DRC11: variants seen among roughly 807,000 people sequenced by gnomAD.
The protein encoded by DRC11 is IQ and AAA domain-containing protein 1.
chr2:236,491,180 T>C, the DRC11 span, among the ~76,000 whole-genome samples: 1,058 of 43,538 alleles, frequency 0.024, 33 homozygotes, highest in Non-Finnish European at 0.035. Flanking sequence ...TATATATATA[T>C]ACACACAGTA....
chr2:236,406,060 G>T, the DRC11 span, among the ~76,000 whole-genome samples: 1 of 152,292 alleles, frequency 6.6e-6, no homozygotes, highest in East Asian at 1.9e-4. This position sits in a 1 kb window ranked among gnomAD's most constrained non-coding sequence, Gnocchi z 4.7. Context: ...TAAGTTTCCG[G>T]CTACTGTGTG....
the DRC11 span, among the ~76,000 whole-genome samples, chr2:236,491,592 A>C: frequency 6.6e-6 from 1 of 152,152 alleles, no homozygotes; most frequent in South Asian, 2.1e-4. Flanking sequence ...TCCAACACAA[A>C]ATCTTTAGTA....
At chr2:236,405,783 T>C in the DRC11 span, among the ~76,000 whole-genome samples, 1 of 152,200 alleles carries the variant, frequency 6.6e-6, no homozygotes, top group Non-Finnish European at 1.5e-5. The surrounding 1 kb of genome is among the most constrained non-coding windows in gnomAD (Gnocchi z 4.6). Context: ...TACTTTTTCC[T>C]ATACAGAAAC....
chr2:236,347,508 C>CTCTCTATATATATATATATATATATA, the DRC11 span, among the ~76,000 whole-genome samples: 1 of 107,494 alleles, frequency 9.3e-6, no homozygotes, highest in Non-Finnish European at 2.2e-5. Context: ...AAAAACTGTG[C>CTCTCTATATATATATATATATATATA]TATATATATA....
At chr2:236,494,916 G>T in the DRC11 span, among the ~76,000 whole-genome samples, 1 of 152,172 alleles carries the variant, frequency 6.6e-6, no homozygotes, top group South Asian at 2.1e-4. The surrounding 1 kb of genome is among the most constrained non-coding windows in gnomAD (Gnocchi z 4.2). Flanking sequence ...AGGGCAGTAG[G>T]AGAAGAATGA....
At chr2:236,389,348 C>T in the DRC11 span, among the ~76,000 whole-genome samples, 1 of 152,118 alleles carries the variant, frequency 6.6e-6, no homozygotes, top group African/African-American at 2.4e-5. Flanking sequence ...AGCCAGGTGC[C>T]GGATATAATC....
At chr2:236,394,359 G>A in the DRC11 span, among the ~76,000 whole-genome samples, 281 of 152,252 alleles carry the variant, frequency 1.8e-3, 5 homozygotes, top group Non-Finnish European at 2.3e-3. This position sits in a 1 kb window ranked among gnomAD's most constrained non-coding sequence, Gnocchi z 7.0. Flanking sequence ...TGGGCCAGGC[G>A]CAGTGGCTCA....
At chr2:236,373,930 T>G in the DRC11 span, among the ~76,000 whole-genome samples, 48 of 152,330 alleles carry the variant, frequency 3.2e-4, no homozygotes, top group African/African-American at 1.1e-3. Context: ...CCCAAGAGTT[T>G]CTTTGTAGTA....
chr2:236,311,788 C>T, the DRC11 span, among the ~76,000 whole-genome samples: 12,932 of 151,494 alleles, frequency 0.085, 1,283 homozygotes, highest in East Asian at 0.24. The surrounding 1 kb of genome is among the most constrained non-coding windows in gnomAD (Gnocchi z 6.9). Context: ...AAGCTCATGC[C>T]TGGACATGCA....
the DRC11 span, chr2:236,488,279 C>G: frequency 9.0e-6 from 9 of 997,256 alleles, 1 homozygote; most frequent in Admixed American, 1.9e-4. Context: ...ACTTCAAACA[C>G]AATCCTGCTA....
the DRC11 span, among the ~76,000 whole-genome samples, chr2:236,330,178 C>T: frequency 6.6e-6 from 1 of 152,204 alleles, no homozygotes; most frequent in Non-Finnish European, 1.5e-5. This position sits in a 1 kb window ranked among gnomAD's most constrained non-coding sequence, Gnocchi z 5.5. Flanking sequence ...GGTAAACACT[C>T]AGCTAGAGTT....
At chr2:236,368,213 C>T in the DRC11 span, 14 of 1,608,796 alleles carry the variant, frequency 8.7e-6, no homozygotes, top group Admixed American at 3.4e-5. Context: ...AGATTCCGTA[C>T]AATGTGATGA....
chr2:236,448,569 C>T, the DRC11 span, among the ~76,000 whole-genome samples: 1 of 151,842 alleles, frequency 6.6e-6, no homozygotes, highest in Non-Finnish European at 1.5e-5. The surrounding 1 kb of genome is among the most constrained non-coding windows in gnomAD (Gnocchi z 5.3). Flanking sequence ...CTCCTGAGCT[C>T]AAGTGATCTG....
chr2:236,358,395 TATCATATATAAATATATATG>T, the DRC11 span, among the ~76,000 whole-genome samples: 7 of 140,920 alleles, frequency 5.0e-5, no homozygotes, highest in Non-Finnish European at 9.1e-5. Context: ...GATATATGAA[TATCATATATAAATATATATG>T]ATATATGAAT....
At chr2:236,453,971 C>A in the DRC11 span, among the ~76,000 whole-genome samples, 105 of 152,196 alleles carry the variant, frequency 6.9e-4, no homozygotes, top group African/African-American at 2.5e-3. This position sits in a 1 kb window ranked among gnomAD's most constrained non-coding sequence, Gnocchi z 4.9. Context: ...GGTGTCCTTC[C>A]CCTCTTTAGA....
chr2:236,361,302 A>G, the DRC11 span, among the ~76,000 whole-genome samples: 1 of 152,220 alleles, frequency 6.6e-6, no homozygotes, highest in Non-Finnish European at 1.5e-5. The surrounding 1 kb of genome is among the most constrained non-coding windows in gnomAD (Gnocchi z 5.7). Flanking sequence ...CTTCACTAAA[A>G]TAAATGCTAA....
the DRC11 span, chr2:236,343,837 A>C: frequency 9.5e-6 from 9 of 944,962 alleles, no homozygotes; most frequent in South Asian, 1.4e-5. The surrounding 1 kb of genome is among the most constrained non-coding windows in gnomAD (Gnocchi z 6.6). Context: ...ATCAAGGCTC[A>C]TTTGGGGAAG....
chr2:236,362,287 G>C, the DRC11 span, among the ~76,000 whole-genome samples: 73 of 152,164 alleles, frequency 4.8e-4, no homozygotes, highest in Non-Finnish European at 7.8e-4. The surrounding 1 kb of genome is among the most constrained non-coding windows in gnomAD (Gnocchi z 5.7). Context: ...ACACTCATTT[G>C]AACTGTGTGG....
At chr2:236,499,471 C>G in the DRC11 span, among the ~76,000 whole-genome samples, 1 of 152,226 alleles carries the variant, frequency 6.6e-6, no homozygotes, top group Admixed American at 6.5e-5. The surrounding 1 kb of genome is among the most constrained non-coding windows in gnomAD (Gnocchi z 4.7). Context: ...CTCTGTCACC[C>G]AGCCCAGAGT....
Sources: gnomAD v4.1 joint callset for allele counts (sites outside exome capture counted in the v4.1 genomes callset) on GRCh38, gnomAD v4.1.1 for gene constraint, Gnocchi (gnomAD v3.1) non-coding constraint, MANE v1.5 for transcripts, NCBI Gene and HGNC (gene_info 2026-07-23, HGNC 2026-07-21) for gene names.